KIAA1217: variants seen among roughly 807,000 people sequenced by gnomAD.
KIAA1217 encodes KIAA1217.
Under a neutral mutation model 163.9 loss-of-function variants are expected in KIAA1217, and 88 were observed. The ratio of observed to expected loss-of-function variants is 0.54; its 90% CI spans 0.45 to 0.64. KIAA1217 has a LOEUF of 0.64. Ranked by LOEUF, KIAA1217 falls within the 30% of genes least tolerant of loss-of-function variation. The pLI, the probability that KIAA1217 is intolerant of heterozygous loss-of-function variation, is 0.00. For missense variants in KIAA1217, 2,372 were observed against 2,475.0 expected (o/e 0.96, Z 0.88); for synonymous variants, 903 against 923.1 (o/e 0.98, Z 0.39).
At chr10:24,400,784 G>C (rs2056434807) in intron 3 of KIAA1217, among the ~76,000 whole-genome samples, 1 of 152,078 alleles carries the variant, frequency 6.6e-6, no homozygotes, top group African/African-American at 2.4e-5. Context: ...GACCAACTTA[G>C]AGACAGGATC....
At chr10:23,994,638 T>C (rs969324029) in intron 1 of KIAA1217, among the ~76,000 whole-genome samples, 66 of 152,310 alleles carry the variant, frequency 4.3e-4, no homozygotes, top group African/African-American at 1.5e-3. Context: ...TTTCTGAGCA[T>C]AGTTCAGCAT....
chr10:24,011,745 G>A (rs1191454204), intron 2 of KIAA1217, among the ~76,000 whole-genome samples: 2 of 152,150 alleles, frequency 1.3e-5, no homozygotes, highest in Non-Finnish European at 2.9e-5. Context: ...CACTGAAACA[G>A]TTCTGTTCTT....
At chr10:24,363,504 A>G (rs1015573612) in intron 2 of KIAA1217, among the ~76,000 whole-genome samples, 5 of 151,030 alleles carry the variant, frequency 3.3e-5, no homozygotes, top group African/African-American at 1.2e-4. Flanking sequence ...CCATTCCTTG[A>G]GGTAGTTGAG....
At chr10:23,758,822 G>C (rs368470160) in intron 1 of KIAA1217, among the ~76,000 whole-genome samples, 2 of 150,942 alleles carry the variant, frequency 1.3e-5, no homozygotes, top group African/African-American at 4.9e-5. Context: ...AAGTAGCTGG[G>C]ATTACACGTG....
rs569598948 is a variant in KIAA1217, at chr10:24,007,590, G to A, written c.-171+216G>A. 2.0e-5 allele frequency among the ~76,000 whole-genome samples: 3 copies of A among 152,264 alleles called. No homozygotes were observed. The South Asian group carries it at 6.2e-4, about 32-fold the overall frequency. On this transcript the variant is annotated intron_variant, in intron 2 of 18. Transcript: ENST00000376462. Reference sequence around the variant, plus strand: ...ATTTTTCAGTCATTCTTCCTTTGGTGTTGCGGACAGGGTTAGCACATATGT... The same window carrying A: ...ATTTTTCAGTCATTCTTCCTTTGGTATTGCGGACAGGGTTAGCACATATGT...
chr10:24,537,217 CAGT>C (rs1230785156), intron 17 of KIAA1217, among the ~76,000 whole-genome samples: 3 of 152,214 alleles, frequency 2.0e-5, no homozygotes, highest in African/African-American at 7.2e-5. Flanking sequence ...AAGTATTTAG[CAGT>C]TTTTCTAATT....
At chr10:23,762,652 G>T (rs890091386) in intron 1 of KIAA1217, among the ~76,000 whole-genome samples, 1 of 152,128 alleles carries the variant, frequency 6.6e-6, no homozygotes, top group Admixed American at 6.5e-5. Flanking sequence ...CAAACCCACA[G>T]CCAATATCAT....
intron 2 of KIAA1217, among the ~76,000 whole-genome samples, chr10:24,137,124 G>A (rs899329902): frequency 6.6e-6 from 1 of 152,190 alleles, no homozygotes; most frequent in African/African-American, 2.4e-5. Flanking sequence ...TCACATTTGA[G>A]AGGACATTGG....
chr10:24,337,933 G>C (rs970945188), intron 2 of KIAA1217, among the ~76,000 whole-genome samples: 1 of 152,110 alleles, frequency 6.6e-6, no homozygotes, highest in Non-Finnish European at 1.5e-5. Context: ...ATGAGCCACC[G>C]CGCCCGGCCC....
intron 1 of KIAA1217, among the ~76,000 whole-genome samples, chr10:23,876,265 T>C (rs926656479): frequency 1.3e-5 from 2 of 151,664 alleles, no homozygotes; most frequent in African/African-American, 2.4e-5. Context: ...CACCTGTAAG[T>C]GGGAGCACAA....
At chr10:23,818,008 T>TACACAC (rs1255645777) in intron 1 of KIAA1217, among the ~76,000 whole-genome samples, 6 of 87,258 alleles carry the variant, frequency 6.9e-5, no homozygotes, top group African/African-American at 2.6e-4. Context: ...TATATATATA[T>TACACAC]ACACACATAT....
At chr10:24,405,333 A>T (rs1415570550) in intron 3 of KIAA1217, among the ~76,000 whole-genome samples, 1 of 152,210 alleles carries the variant, frequency 6.6e-6, no homozygotes, top group Non-Finnish European at 1.5e-5. Flanking sequence ...CTTCTCTAAG[A>T]AGGATAATAA....
intron 1 of KIAA1217, among the ~76,000 whole-genome samples, chr10:23,951,251 G>A (rs1420952965): frequency 1.3e-5 from 2 of 152,030 alleles, no homozygotes; most frequent in African/African-American, 4.8e-5. Flanking sequence ...GAAATAAGAA[G>A]AACAAGGCTG....
In KIAA1217 at chr10:23,853,247, C is replaced by A. The variant is rs1437630538; in HGVS notation, c.-320-153978C>A. 2.6e-5 allele frequency among the ~76,000 whole-genome samples: 4 copies of A among 152,178 alleles called. No individual in the cohort carries two copies. In the East Asian group the frequency reaches 7.7e-4, roughly 29 times the overall value. On this transcript the variant is annotated intron_variant, in intron 1 of 18. Coordinates refer to the KIAA1217 transcript ENST00000376462. ...AAGAGTTGTTGAATTTTGTCAAAGG[C>A]CTTTTGTGCATCTATTGAGATAATC...
At chr10:23,751,381 G>T (rs1042154936) in intron 1 of KIAA1217, among the ~76,000 whole-genome samples, 1 of 152,124 alleles carries the variant, frequency 6.6e-6, no homozygotes, top group African/African-American at 2.4e-5. Flanking sequence ...CAAATGTGTT[G>T]TCTAGAAAGT....
intron 1 of KIAA1217, among the ~76,000 whole-genome samples, chr10:23,767,679 G>A (rs1834603678): frequency 6.6e-6 from 1 of 152,152 alleles, no homozygotes; most frequent in Non-Finnish European, 1.5e-5. Context: ...TGAACCCTCA[G>A]GTTGGGCTGT....
chr10:24,543,651 T>A lies in KIAA1217; in HGVS notation c.4381T>A (p.Ser1461Thr). Reference sequence around the variant, plus strand: ...CATCCGGTCTGCCTATAAGAGACTTTCAACTATCTTTGAGGAATGTGATGA... The same window carrying A: ...CATCCGGTCTGCCTATAAGAGACTTACAACTATCTTTGAGGAATGTGATGA... ...MDIRSAYKRL[S>T]TIFEECDEEL... The change falls in exon 19 of 21, where the codon TCA becomes ACA. Residue 1461 changes from serine (S) to threonine (T), a missense_variant. Transcript: ENST00000376454. 1 of 1,614,112 alleles carries A rather than the reference T, an allele frequency of 6.2e-7. No homozygotes were observed. The highest frequency in any genetic ancestry group is 8.5e-7 in the Non-Finnish European group (1 of 1,180,000).
At position 23,823,771 on chromosome 10, in the gene KIAA1217, G is replaced by A. The variant is rs551194450; in HGVS notation, c.-321+128537G>A. 4.6e-5 allele frequency among the ~76,000 whole-genome samples: 7 copies of A among 152,198 alleles called. No homozygotes were observed. The East Asian group carries it at 7.7e-4, about 17-fold the overall frequency. ...AAATATCAAAACTTTGTTTTAGTTC[G>A]GGGTAATGGCAAGTTGGGATGGGCC... On this transcript the variant is annotated intron_variant, in intron 1 of 18. Coordinates refer to the KIAA1217 transcript ENST00000376462.
At chr10:23,786,715 G>A (rs1835511375) in intron 1 of KIAA1217, among the ~76,000 whole-genome samples, 1 of 152,146 alleles carries the variant, frequency 6.6e-6, no homozygotes, top group Non-Finnish European at 1.5e-5. Context: ...TTTAGCCAGA[G>A]TAAAGCAAAG....
Sources: gnomAD v4.1 joint callset for allele counts (sites outside exome capture counted in the v4.1 genomes callset) on GRCh38, gnomAD v4.1.1 for gene constraint, MANE v1.5 for transcripts, NCBI Gene and HGNC (gene_info 2026-07-23, HGNC 2026-07-21) for gene names.